Variants in RIC3 observed in about 807,000 individuals in gnomAD.
The protein encoded by RIC3 is protein RIC-3.
Under a neutral mutation model 27.3 loss-of-function variants are expected in RIC3, and 28 were observed. The ratio of observed to expected loss-of-function variants is 1.02; its 90% CI spans 0.76 to 1.41. RIC3 has a LOEUF of 1.41. RIC3 is among the 40% of genes most tolerant of loss of function. The pLI, the probability that RIC3 is intolerant of heterozygous loss-of-function variation, is 0.00. For missense variants in RIC3, 501 were observed against 444.7 expected (o/e 1.13, Z -1.14); for synonymous variants, 184 against 160.4 (o/e 1.15, Z -1.11).
chr11:8,136,232 G>A (rs1281901787), intron 4 of RIC3, among the ~76,000 whole-genome samples: 1 of 152,174 alleles, frequency 6.6e-6, no homozygotes. Context: ...AGGCAAGGCC[G>A]AAGCCAGTGA....
chr11:8,137,933 T>G (rs1402502571), intron 3 of RIC3, among the ~76,000 whole-genome samples: 1 of 149,336 alleles, frequency 6.7e-6, no homozygotes, highest in Non-Finnish European at 1.5e-5. Context: ...TTAAACTCTT[T>G]CCCTAGATCT....
chr11:8,101,721 A>G (rs1321338058), downstream of RIC3: 6 of 1,474,858 alleles, frequency 4.1e-6, no homozygotes, highest in African/African-American at 1.4e-5. Flanking sequence ...GCCTTCCGCC[A>G]GATGAAGCTT....
chr11:8,133,291 T>C (rs1222694281), intron 4 of RIC3, among the ~76,000 whole-genome samples: 1 of 152,246 alleles, frequency 6.6e-6, no homozygotes, highest in African/African-American at 2.4e-5. Flanking sequence ...AATAAACCTC[T>C]GTTCTTTATA....
At chr11:8,132,666 G>A (rs1437833158) in intron 4 of RIC3, among the ~76,000 whole-genome samples, 2 of 152,140 alleles carry the variant, frequency 1.3e-5, no homozygotes, top group African/African-American at 2.4e-5. Context: ...TCTTACTTAA[G>A]CATTAAGGTA....
In RIC3 at chr11:8,106,902, T is replaced by A. The variant is rs141024416; in HGVS notation, c.*3796A>T. 2 of 152,294 alleles carry A rather than the reference T, an allele frequency of 1.3e-5. No individual in the cohort carries two copies. The highest frequency in any genetic ancestry group is 3.9e-4 in the East Asian group (2 of 5,184). 9.4% of individuals were successfully genotyped at this position (152,294 alleles called of 1,614,324 possible). On this transcript the variant is annotated 3_prime_UTR_variant, in exon 6 of 6. Coordinates refer to ENST00000309737, the MANE Select transcript of RIC3 (RefSeq NM_001206671.4). Reference sequence around the variant, plus strand: ...TGTGACATCTCAGCAACACTGGACTTGACAGAGTGGTGACAGGGATCATGC... The same window carrying A: ...TGTGACATCTCAGCAACACTGGACTAGACAGAGTGGTGACAGGGATCATGC...
chr11:8,122,409 T>TA (rs1235687658), intron 5 of RIC3, among the ~76,000 whole-genome samples: 1 of 151,846 alleles, frequency 6.6e-6, no homozygotes, highest in African/African-American at 2.4e-5. Context: ...TAGGTTGTTG[T>TA]ATATATAGTT....
chr11:8,138,495 A>G, intron 2 of RIC3, 148 bp from the exon 3 acceptor site: 1 of 514,740 alleles, frequency 1.9e-6, no homozygotes, highest in Non-Finnish European at 3.4e-6. Context: ...ATAGCTCAAA[A>G]AAAAAAACGC....
chr11:8,139,777 G>C (rs1948835636), intron 2 of RIC3, 190 bp downstream of exon 2: 2 of 562,724 alleles, frequency 3.6e-6, no homozygotes, highest in Admixed American at 3.4e-5. Flanking sequence ...CTTAAACATT[G>C]AGTAAACATT....
At chr11:8,149,099 AGGAG>A (rs1194018807) in intron 1 of RIC3, among the ~76,000 whole-genome samples, 1 of 151,516 alleles carries the variant, frequency 6.6e-6, no homozygotes, top group Admixed American at 6.6e-5. Context: ...AGGCTGAGGC[AGGAG>A]AATGACATGA....
chr11:8,148,750 C>G (rs1949957518), intron 1 of RIC3, among the ~76,000 whole-genome samples: 1 of 152,094 alleles, frequency 6.6e-6, no homozygotes, highest in African/African-American at 2.4e-5. Context: ...CCACATGGAA[C>G]AATGCCTTCA....
At chr11:8,165,784 T>C (rs1198047669) in intron 1 of RIC3, among the ~76,000 whole-genome samples, 1 of 132,750 alleles carries the variant, frequency 7.5e-6, no homozygotes, top group Non-Finnish European at 1.6e-5. Flanking sequence ...TTTGTTTTGT[T>C]TTGTTTTTTT....
At position 8,110,156 on chromosome 11, in the gene RIC3, G is replaced by T. The variant is rs537909084; in HGVS notation, c.*542C>A. The T allele has an allele frequency of 1.2e-5, 2 of 172,160 alleles. No individual in the cohort carries two copies. Among genetic ancestry groups the T allele is most frequent in the South Asian group, 2.9e-4 (2 of 6,784 alleles). The allele number at this position is 172,160 out of a possible 1,614,324, so 10.7% of individuals were successfully genotyped here. A position where few individuals can be genotyped will look rare whatever the true frequency, so the allele number is the denominator to read the frequency against. On this transcript the variant is annotated 3_prime_UTR_variant, in exon 6 of 6. Transcript: ENST00000309737. ...GTTCCTAGGAAGACCCTCGCTGCGAGGAAGAGGCTTCAGCTTAGACAGCAG... is the reference window on the plus strand; with the variant it reads ...GTTCCTAGGAAGACCCTCGCTGCGATGAAGAGGCTTCAGCTTAGACAGCAG...
downstream of RIC3, chr11:8,102,381 T>C (rs1445586717): frequency 6.6e-6 from 1 of 152,218 alleles, no homozygotes; most frequent in East Asian, 1.9e-4. Flanking sequence ...AGACACAGGC[T>C]CAGCATGCAG....
At chr11:8,097,163 C>G in the RIC3 span, 3 of 1,576,758 alleles carry the variant, frequency 1.9e-6, no homozygotes, top group South Asian at 1.1e-5. Flanking sequence ...GATTTGGATC[C>G]CAGACCACCA....
chr11:8,115,334 C>T (rs1945727820), intron 5 of RIC3, among the ~76,000 whole-genome samples: 1 of 151,254 alleles, frequency 6.6e-6, no homozygotes, highest in African/African-American at 2.4e-5. Flanking sequence ...AAAGGTCAAC[C>T]AAGAATATTG....
chr11:8,101,592 C>T (rs1944308800), downstream of RIC3: 1 of 1,614,122 alleles, frequency 6.2e-7, no homozygotes, highest in Admixed American at 1.7e-5. Context: ...CCCTGTCCAG[C>T]TTCGACAGCA....
the RIC3 span, chr11:8,100,790 G>A: frequency 6.2e-7 from 1 of 1,610,346 alleles, no homozygotes. Flanking sequence ...TGGTGCCAAA[G>A]GCCTGGGCCT....
chr11:8,149,425 A>G (rs1165652584), intron 1 of RIC3, among the ~76,000 whole-genome samples: 6 of 152,086 alleles, frequency 3.9e-5, no homozygotes, highest in Non-Finnish European at 8.8e-5. Flanking sequence ...GATGGGGAGG[A>G]GTTAAAATGC....
At chr11:8,145,100 C>T (rs1371226843) in intron 1 of RIC3, among the ~76,000 whole-genome samples, 1 of 144,326 alleles carries the variant, frequency 6.9e-6, no homozygotes, top group Admixed American at 7.0e-5. Flanking sequence ...TTAGTGGGTG[C>T]AGCGCACCAG....
Sources: gnomAD v4.1 joint callset for allele counts (sites outside exome capture counted in the v4.1 genomes callset) on GRCh38, gnomAD v4.1.1 for gene constraint, MANE v1.5 for transcripts, NCBI Gene and HGNC (gene_info 2026-07-23, HGNC 2026-07-21) for gene names.